Variants in PBRM1 observed in about 807,000 individuals in gnomAD.
PBRM1 encodes the protein protein polybromo-1.
PBRM1 carries 27 observed loss-of-function variants against 194.5 expected under a neutral mutation model. The ratio of observed to expected loss-of-function variants is 0.14; its 90% CI spans 0.10 to 0.19. PBRM1 has a LOEUF of 0.19. Ranked by LOEUF, PBRM1 falls within the 10% of genes least tolerant of loss-of-function variation. The pLI is 1.00. For missense variants in PBRM1, 1,466 were observed against 2,077.2 expected (o/e 0.71, Z 5.72); for synonymous variants, 655 against 693.2 (o/e 0.94, Z 0.87).
intron 22 of PBRM1, among the ~76,000 whole-genome samples, chr3:52,564,938 C>A (rs979788898): frequency 6.6e-6 from 1 of 152,148 alleles, no homozygotes; most frequent in African/African-American, 2.4e-5. Context: ...GTGGCTCATG[C>A]CTGTAATCCC....
At chr3:52,652,196 C>A (rs1346707241) in intron 5 of PBRM1, among the ~76,000 whole-genome samples, 1 of 150,774 alleles carries the variant, frequency 6.6e-6, no homozygotes, top group Non-Finnish European at 1.5e-5. Context: ...CCAGCCTGGC[C>A]AACATGGTGA....
intron 10 of PBRM1, among the ~76,000 whole-genome samples, chr3:52,637,160 G>GCTA (rs1482753665): frequency 6.6e-6 from 1 of 152,054 alleles, no homozygotes; most frequent in Non-Finnish European, 1.5e-5. Context: ...ATATTTTGTT[G>GCTA]CTACTGTAAG....
intron 7 of PBRM1, among the ~76,000 whole-genome samples, chr3:52,647,456 AAATATATATATAT>A (rs1419547332): frequency 1.8e-5 from 1 of 56,218 alleles, no homozygotes; most frequent in African/African-American, 7.8e-5. Context: ...AAAAAAAAAA[AAATATATATATAT>A]ATATATATAT....
chr3:52,615,132 A>G (rs1415501800), intron 15 of PBRM1, among the ~76,000 whole-genome samples: 1 of 152,272 alleles, frequency 6.6e-6, no homozygotes, highest in Non-Finnish European at 1.5e-5. Context: ...TTAAGAAAGT[A>G]AACAAAACCT....
At chr3:52,565,740 A>C (rs1285529584) in intron 22 of PBRM1, among the ~76,000 whole-genome samples, 1 of 152,020 alleles carries the variant, frequency 6.6e-6, no homozygotes, top group African/African-American at 2.4e-5. Context: ...AGACATACGA[A>C]TGTCCAATAG....
chr3:52,666,115 T>C (rs191398383), intron 3 of PBRM1, among the ~76,000 whole-genome samples: 1 of 152,042 alleles, frequency 6.6e-6, no homozygotes, highest in Admixed American at 6.6e-5. Flanking sequence ...AATAACAAAA[T>C]GCACTGAAGA....
chr3:52,555,862 CA>C (rs1355679300), intron 26 of PBRM1, among the ~76,000 whole-genome samples: 2 of 152,132 alleles, frequency 1.3e-5, no homozygotes, highest in Non-Finnish European at 2.9e-5. Context: ...AAAAAAAATT[CA>C]AAATGTCAAG....
intron 4 of PBRM1, 97 bp from the exon 6 acceptor site, chr3:52,658,412 CTTTTT>C: frequency 1.6e-5 from 7 of 445,150 alleles, no homozygotes; most frequent in Non-Finnish European, 2.4e-5. Flanking sequence ...AAAACAGCAA[CTTTTT>C]TTTTTTTTTT....
chr3:52,585,125 T>A (rs1242318259), intron 20 of PBRM1, among the ~76,000 whole-genome samples: 1 of 152,224 alleles, frequency 6.6e-6, no homozygotes, highest in African/African-American at 2.4e-5. Flanking sequence ...TAATTTGATT[T>A]CACTTACTTT....
Position 52,662,292 on chromosome 3 carries a change from G to T in PBRM1, c.385-16C>A. 2 of 1,530,694 alleles carry T rather than the reference G, an allele frequency of 1.3e-6. No homozygotes were observed. The highest frequency in any genetic ancestry group is 8.7e-7 in the Non-Finnish European group (1 of 1,143,508). 94.8% of individuals were successfully genotyped at this position (1,530,694 alleles called of 1,614,324 possible). A position where few individuals can be genotyped will look rare whatever the true frequency, so the allele number is the denominator to read the frequency against. Reference sequence around the variant, plus strand: ...GAGAATCTGGCTGTATGTTAGCAAAGAGAAAAAAAAAAACACTTTAGTAAT... The same window carrying T: ...GAGAATCTGGCTGTATGTTAGCAAATAGAAAAAAAAAAACACTTTAGTAAT... On this transcript the variant is annotated splice_polypyrimidine_tract_variant and intron_variant, in intron 3 of 29. Coordinates refer to ENST00000296302, the Ensembl canonical transcript of PBRM1.
At chr3:52,576,557 G>C (rs1218307426) in exon 22 of PBRM1, 5 of 1,600,344 alleles carry the variant, frequency 3.1e-6, no homozygotes, top group Non-Finnish European at 4.3e-6. Flanking sequence ...TACATGTCAT[G>C]GGGCAGGTTT....
intron 7 of PBRM1, among the ~76,000 whole-genome samples, chr3:52,646,698 A>C (rs1476609767): frequency 6.6e-6 from 1 of 152,224 alleles, no homozygotes. Context: ...ATAATATCTC[A>C]TATCAAAGAA....
chr3:52,632,268 A>C (rs1357804286), intron 11 of PBRM1, among the ~76,000 whole-genome samples: 2 of 151,996 alleles, frequency 1.3e-5, no homozygotes, highest in African/African-American at 4.8e-5. Context: ...GACATTATGG[A>C]TTTTTTTTAG....
At chr3:52,612,398 A>C (rs1214291039) in intron 15 of PBRM1, among the ~76,000 whole-genome samples, 1 of 152,112 alleles carries the variant, frequency 6.6e-6, no homozygotes, top group East Asian at 1.9e-4. Context: ...TATCACCACC[A>C]AGGTGAAACT....
At chr3:52,575,203 A>G (rs922587149) in intron 22 of PBRM1, among the ~76,000 whole-genome samples, 1 of 150,522 alleles carries the variant, frequency 6.6e-6, no homozygotes, top group Non-Finnish European at 1.5e-5. Flanking sequence ...GTGCCCAGCC[A>G]AAAATACAAT....
chr3:52,656,928 T>C (rs1303380264), intron 5 of PBRM1, among the ~76,000 whole-genome samples: 1 of 151,846 alleles, frequency 6.6e-6, no homozygotes, highest in Non-Finnish European at 1.5e-5. Context: ...AAAAAACTTA[T>C]AAACAAAAGG....
chr3:52,657,527 C>T (rs556606504), intron 5 of PBRM1, among the ~76,000 whole-genome samples: 2 of 150,654 alleles, frequency 1.3e-5, no homozygotes, highest in East Asian at 4.0e-4. Context: ...TGGAGTGCAA[C>T]GGCATGATGT....
intron 3 of PBRM1, among the ~76,000 whole-genome samples, chr3:52,662,836 A>C (rs1377206740): frequency 5.9e-5 from 9 of 151,598 alleles, no homozygotes; most frequent in Non-Finnish European, 1.5e-5. Context: ...AAAAAAAAAA[A>C]AAAAACACCA....
chr3:52,652,384 CAAA>C (rs71615865), intron 5 of PBRM1, among the ~76,000 whole-genome samples: 6 of 96,656 alleles, frequency 6.2e-5, no homozygotes, highest in Non-Finnish European at 6.4e-5. Context: ...GACTTCGTCT[CAAA>C]AAAAAAAAAA....
Sources: gnomAD v4.1 joint callset for allele counts (sites outside exome capture counted in the v4.1 genomes callset) on GRCh38, gnomAD v4.1.1 for gene constraint, MANE v1.5 for transcripts, NCBI Gene and HGNC (gene_info 2026-07-23, HGNC 2026-07-21) for gene names.